Variants in LOC128462377 observed in about 807,000 individuals in gnomAD.
the LOC128462377 span, among the ~76,000 whole-genome samples, chr16:89,336,504 A>G: frequency 6.6e-6 from 1 of 152,222 alleles, no homozygotes; most frequent in East Asian, 1.9e-4. Context: ...GTAGCAGGAC[A>G]TTGCCCAGAT....
chr16:89,337,059 A>C, the LOC128462377 span, among the ~76,000 whole-genome samples: 8 of 147,744 alleles, frequency 5.4e-5, no homozygotes, highest in Non-Finnish European at 1.0e-4. Context: ...GGTGGTGCAC[A>C]CCTGCAGTCC....
At chr16:89,366,129 CAAAAAAAAAAAA>C in the LOC128462377 span, among the ~76,000 whole-genome samples, 263 of 60,444 alleles carry the variant, frequency 4.4e-3, 4 homozygotes, top group African/African-American at 0.014. Context: ...GACTCCATCT[CAAAAAAAAAAAA>C]AAAAAAAAAA....
At chr16:89,322,249 A>T in the LOC128462377 span, among the ~76,000 whole-genome samples, 4 of 152,240 alleles carry the variant, frequency 2.6e-5, no homozygotes, top group Non-Finnish European at 5.9e-5. Flanking sequence ...CTCCCTGAAC[A>T]GATGTGACAA....
the LOC128462377 span, among the ~76,000 whole-genome samples, chr16:89,357,666 C>T: frequency 1.3e-5 from 2 of 152,300 alleles, no homozygotes; most frequent in South Asian, 2.1e-4. Flanking sequence ...CACAGCATAA[C>T]GCGACTCAGC....
chr16:89,366,484 G>C, the LOC128462377 span, among the ~76,000 whole-genome samples: 2 of 152,184 alleles, frequency 1.3e-5, no homozygotes, highest in Non-Finnish European at 2.9e-5. Context: ...AGACTCGCCA[G>C]CATCTGTTAT....
chr16:89,393,569 G>A, the LOC128462377 span, among the ~76,000 whole-genome samples: 12 of 145,322 alleles, frequency 8.3e-5, no homozygotes, highest in African/African-American at 2.3e-4. Context: ...TCGAACTCCC[G>A]ACCTCAGAGT....
the LOC128462377 span, among the ~76,000 whole-genome samples, chr16:89,399,739 C>T: frequency 1.3e-5 from 2 of 152,134 alleles, no homozygotes; most frequent in East Asian, 1.9e-4. Context: ...CCCAGGGGTG[C>T]GGGGGAACCC....
At chr16:89,330,079 TTAA>T in the LOC128462377 span, among the ~76,000 whole-genome samples, 2 of 152,038 alleles carry the variant, frequency 1.3e-5, no homozygotes, top group Non-Finnish European at 2.9e-5. Context: ...TATAAACATT[TTAA>T]TAATGTTTAA....
chr16:89,324,283 C>A, the LOC128462377 span: 2 of 1,253,264 alleles, frequency 1.6e-6, no homozygotes, highest in South Asian at 2.7e-5. Flanking sequence ...GCCCCGTGCT[C>A]CGGAACACGG....
the LOC128462377 span, among the ~76,000 whole-genome samples, chr16:89,360,903 A>G: frequency 3.9e-5 from 6 of 152,138 alleles, no homozygotes; most frequent in African/African-American, 1.4e-4. Flanking sequence ...AACAGAATCC[A>G]CGGTCTCTTG....
the LOC128462377 span, among the ~76,000 whole-genome samples, chr16:89,333,119 C>T: frequency 6.6e-6 from 1 of 152,216 alleles, no homozygotes; most frequent in Non-Finnish European, 1.5e-5. Context: ...ACTCAGTGGC[C>T]AAGCTCAACA....
At chr16:89,325,750 C>T in the LOC128462377 span, among the ~76,000 whole-genome samples, 1 of 152,140 alleles carries the variant, frequency 6.6e-6, no homozygotes, top group African/African-American at 2.4e-5. Flanking sequence ...AGCAGTCTTT[C>T]AGAAGGTGAC....
chr16:89,389,975 G>T, the LOC128462377 span, among the ~76,000 whole-genome samples: 156 of 80,490 alleles, frequency 1.9e-3, 1 homozygote, highest in Non-Finnish European at 3.0e-3. Flanking sequence ...GGCGAACACC[G>T]AGTGTGGCGG....
the LOC128462377 span, among the ~76,000 whole-genome samples, chr16:89,373,833 A>C: frequency 6.6e-6 from 1 of 152,112 alleles, no homozygotes; most frequent in South Asian, 2.1e-4. Context: ...GATTGGTAGA[A>C]CCTTATTCTT....
At chr16:89,336,927 T>C in the LOC128462377 span, among the ~76,000 whole-genome samples, 1 of 147,262 alleles carries the variant, frequency 6.8e-6, no homozygotes, top group Non-Finnish European at 1.5e-5. Flanking sequence ...CCTAGCACTT[T>C]AGGAGGCCGA....
At chr16:89,389,325 T>C in the LOC128462377 span, among the ~76,000 whole-genome samples, 21 of 152,158 alleles carry the variant, frequency 1.4e-4, no homozygotes, top group African/African-American at 5.1e-4. Context: ...ACACCCGACC[T>C]ACAACTTTGC....
At chr16:89,369,044 G>A in the LOC128462377 span, among the ~76,000 whole-genome samples, 4 of 152,046 alleles carry the variant, frequency 2.6e-5, no homozygotes, top group East Asian at 3.9e-4. Context: ...ACCCCCCACT[G>A]GCACCCATTC....
At chr16:89,347,933 G>A in the LOC128462377 span, among the ~76,000 whole-genome samples, 2 of 151,950 alleles carry the variant, frequency 1.3e-5, no homozygotes, top group East Asian at 1.9e-4. Context: ...AATAGGTATG[G>A]GATTTTGTCT....
At chr16:89,405,334 CTG>C in the LOC128462377 span, among the ~76,000 whole-genome samples, 1 of 152,048 alleles carries the variant, frequency 6.6e-6, no homozygotes, top group African/African-American at 2.4e-5. Flanking sequence ...ACATAGGTAA[CTG>C]TTTTTGAGAC....
Sources: allele counts gnomAD v4.1 joint callset (sites outside exome capture counted in the v4.1 genomes callset), GRCh38; gene constraint gnomAD v4.1.1; transcripts MANE v1.5.